AKNAD1: variants seen among roughly 807,000 people sequenced by gnomAD.
AKNAD1 encodes protein AKNAD1.
A neutral mutation model predicts 90.8 loss-of-function variants in AKNAD1; 67 were observed. The ratio of observed to expected loss-of-function variants is 0.74; its 90% CI spans 0.61 to 0.90. The LOEUF (loss-of-function observed/expected upper bound fraction) is 0.90, where lower values mean the gene tolerates loss of function less well. AKNAD1 is among the 40% of genes least tolerant of loss of function. The pLI is 0.00. For synonymous variants in AKNAD1, 327 were observed against 341.4 expected (o/e 0.96, Z 0.46); for missense variants, 957 against 975.4 (o/e 0.98, Z 0.25).
intron 14 of AKNAD1, among the ~76,000 whole-genome samples, chr1:108,817,942 G>A (rs1333190973): frequency 1.3e-5 from 2 of 152,196 alleles, no homozygotes; most frequent in Non-Finnish European, 2.9e-5. Context: ...AAAAATAAAA[G>A]CAGCTCCTTT....
At chr1:108,828,519 T>G (rs1050640867) in intron 10 of AKNAD1, among the ~76,000 whole-genome samples, 4 of 151,798 alleles carry the variant, frequency 2.6e-5, no homozygotes, top group African/African-American at 9.7e-5. Flanking sequence ...CGAGATATCC[T>G]GGCATAAATG....
chr1:108,816,369 C>G, intron 15 of AKNAD1, 67 bp from the exon 16 acceptor site: 1 of 1,508,132 alleles, frequency 6.6e-7, no homozygotes, highest in Non-Finnish European at 9.0e-7. Context: ...TTTGGGTTCT[C>G]TCATTATTAA....
chr1:108,845,505 C>T (rs1027252679), intron 5 of AKNAD1, among the ~76,000 whole-genome samples: 1 of 152,212 alleles, frequency 6.6e-6, no homozygotes, highest in Non-Finnish European at 1.5e-5. Flanking sequence ...GGGAGCTCCC[C>T]ACGGGTCCTT....
rs780311642 is a variant in AKNAD1 at position 108,816,317 on chromosome 1, T to C, written c.2380-15A>G. 1.2e-6 allele frequency: 2 copies of C among 1,604,136 alleles called. No individual in the cohort carries two copies. Among genetic ancestry groups the C allele is most frequent in the Non-Finnish European group, 1.7e-6 (2 of 1,176,648 alleles). ...GAGTTTAAAATCTACAGAGGAAAAG[T>C]CCACACATTTTAATTACATAAACTA... On this transcript the variant is annotated splice_polypyrimidine_tract_variant and intron_variant, in intron 15 of 15. Coordinates refer to ENST00000370001, the MANE Select transcript of AKNAD1 (RefSeq NM_152763.5).
intron 6 of AKNAD1, among the ~76,000 whole-genome samples, chr1:108,838,842 A>T (rs1158213524): frequency 6.6e-6 from 1 of 152,102 alleles, no homozygotes; most frequent in Non-Finnish European, 1.5e-5. Context: ...ATTCACTTTT[A>T]AAAAAGTAGA....
chr1:108,828,330 T>C (rs537835465), intron 10 of AKNAD1, among the ~76,000 whole-genome samples: 1 of 151,798 alleles, frequency 6.6e-6, no homozygotes, highest in African/African-American at 2.4e-5. Flanking sequence ...GCAATGGACA[T>C]TGTTCAGGAG....
Position 108,816,252 on chromosome 1 carries a change from T to C in AKNAD1, c.2430A>G (p.Lys810=), listed in dbSNP as rs1196626809. Residue 810 remains lysine (K), a synonymous_variant, in exon 16 of 16, where the codon AAA becomes AAG. Coordinates refer to ENST00000370001, the MANE Select transcript of AKNAD1 (RefSeq NM_152763.5). ...DHALRTATIL[K]ETTDQMIKTI... is the part of the protein sequence containing the mutation. ...TTTTAATCATTTGATCTGTAGTTTCTTTCAAAATGGTTGCTGTCCTTAGGG... is the reference window on the plus strand; with the variant it reads ...TTTTAATCATTTGATCTGTAGTTTCCTTCAAAATGGTTGCTGTCCTTAGGG... 1.9e-6 allele frequency: 3 copies of C among 1,613,904 alleles called. No individual in the cohort carries two copies. The South Asian group carries it at 3.3e-5, about 18-fold the overall frequency.
intron 10 of AKNAD1, 146 bp from the exon 11 acceptor site, chr1:108,827,448 T>G: frequency 3.2e-6 from 2 of 617,574 alleles, no homozygotes; most frequent in South Asian, 2.0e-5. Flanking sequence ...CACAGAGCTC[T>G]CCTCTGCCTG....
chr1:108,820,328 T>G (rs1663771621), intron 14 of AKNAD1, among the ~76,000 whole-genome samples: 1 of 152,228 alleles, frequency 6.6e-6, no homozygotes, highest in Non-Finnish European at 1.5e-5. Context: ...GGACAGTGGC[T>G]GACTTTGTCC....
At chr1:108,843,868 A>G (rs1217426571) in intron 5 of AKNAD1, among the ~76,000 whole-genome samples, 1 of 152,180 alleles carries the variant, frequency 6.6e-6, no homozygotes, top group Non-Finnish European at 1.5e-5. Context: ...CCTCAAGCAG[A>G]TGAATGTTTA....
chr1:108,848,849 C>T lies in AKNAD1; in HGVS notation c.1183-35G>A, dbSNP rs77126437. ...AAAAATTACAATCTCTCATTAATGG[C>T]ATGGTTTCTCATGTGTGAATTTGGT... is the stretch of plus-strand genomic sequence containing the variant. On this transcript the variant is annotated intron_variant, in intron 4 of 15. Transcript: ENST00000370001. 4,605 of 1,601,300 alleles carry T rather than the reference C, an allele frequency of 2.9e-3. 109 individuals are homozygous for T. The African/African-American group carries it at 0.052, about 18-fold the overall frequency.
chr1:108,827,882 C>T (rs1356688424), intron 10 of AKNAD1, among the ~76,000 whole-genome samples: 4 of 150,958 alleles, frequency 2.6e-5, no homozygotes, highest in Non-Finnish European at 4.4e-5. Flanking sequence ...AGGTTAATAT[C>T]TAATCATCAC....
chr1:108,858,072 C>G (rs1480083962), upstream of AKNAD1: 1 of 152,646 alleles, frequency 6.6e-6, no homozygotes, highest in African/African-American at 2.4e-5. Flanking sequence ...ATCTTGGAGT[C>G]TCTGGATATC....
chr1:108,833,735 T>TTTA (rs1286256955), intron 9 of AKNAD1, among the ~76,000 whole-genome samples: 3 of 149,808 alleles, frequency 2.0e-5, no homozygotes, highest in Non-Finnish European at 4.4e-5. Context: ...TTTTTTTTTT[T>TTTA]AATTTTTATA....
intron 7 of AKNAD1, among the ~76,000 whole-genome samples, chr1:108,835,832 G>T (rs185417279): frequency 1.2e-4 from 19 of 152,044 alleles, no homozygotes; most frequent in Admixed American, 1.2e-3. Context: ...CACCATGTTG[G>T]CCAGGCTGGT....
intron 14 of AKNAD1, among the ~76,000 whole-genome samples, chr1:108,818,963 CA>C (rs56396425): frequency 2.9e-3 from 289 of 99,838 alleles, no homozygotes; most frequent in Middle Eastern, 0.018. Flanking sequence ...AACTCCATCT[CA>C]AAAAAAAAAA....
intron 9 of AKNAD1, among the ~76,000 whole-genome samples, chr1:108,832,029 G>A (rs751604043): frequency 2.6e-5 from 4 of 152,050 alleles, no homozygotes; most frequent in Non-Finnish European, 5.9e-5. Context: ...AGTTGTTCAT[G>A]ATGTGCCAGG....
At chr1:108,838,313 A>G (rs1664442333) in intron 6 of AKNAD1, among the ~76,000 whole-genome samples, 1 of 87,392 alleles carries the variant, frequency 1.1e-5, no homozygotes, top group East Asian at 4.1e-4. Context: ...TAACAACAAA[A>G]AGATAGCCCC....
intron 9 of AKNAD1, among the ~76,000 whole-genome samples, chr1:108,832,779 G>C (rs1455664878): frequency 6.6e-6 from 1 of 152,088 alleles, no homozygotes; most frequent in South Asian, 2.1e-4. Context: ...TTAAAATAAT[G>C]AGATATCAGT....
Sources: allele counts gnomAD v4.1 joint callset (sites outside exome capture counted in the v4.1 genomes callset), GRCh38; gene constraint gnomAD v4.1.1; transcripts MANE v1.5; gene names NCBI Gene and HGNC (gene_info 2026-07-23, HGNC 2026-07-21).